Variants in PDIK1L observed in about 807,000 individuals in gnomAD.
PDIK1L encodes the protein PDLIM1 interacting kinase 1 like.
In PDIK1L, 9 loss-of-function variants were observed where a neutral mutation model predicts 27.1. The observed-to-expected ratio is 0.33, with a 90% confidence interval of 0.20 to 0.58. The LOEUF is 0.58. Ranked by LOEUF, PDIK1L falls within the 20% of genes least tolerant of loss-of-function variation. The probability of loss-of-function intolerance (pLI) is 0.86; values close to 1 mark genes in which losing one functional copy is unlikely to be tolerated. For synonymous variants in PDIK1L, 130 were observed against 141.7 expected (o/e 0.92, Z 0.59); for missense variants, 216 against 413.2 (o/e 0.52, Z 4.14).
intron 1 of PDIK1L, among the ~76,000 whole-genome samples, chr1:26,112,934 C>T (rs1274468278): frequency 6.6e-6 from 1 of 152,224 alleles, no homozygotes; most frequent in Non-Finnish European, 1.5e-5. Context: ...CTCCATTCAA[C>T]ACATGAGCAT....
rs1444305366 is a variant in PDIK1L, at chr1:26,122,459, G to T, written c.908G>T (p.Arg303Leu). ...IPVKKKSMNG[R>L]MKQLIKEMLA... ...GTGAAGAAAAAATCTATGAATGGGC[G>T]AATGAAACAACTGATTAAGGAAATG... The change falls in exon 3 of 3, where the codon CGA becomes CTA. Residue 303 changes from arginine to leucine, a missense_variant. Coordinates refer to ENST00000374269, the MANE Select transcript of PDIK1L (RefSeq NM_152835.5). The surrounding 1 kb of genome is among the most constrained non-coding windows in gnomAD (Gnocchi z 5.4). 6.2e-7 allele frequency: 1 copy of T among 1,614,120 alleles called. No homozygotes were observed.
chr1:26,122,561 G>T lies in PDIK1L; in HGVS notation c.1010G>T (p.Ser337Ile). 1 of 1,603,446 alleles carries T rather than the reference G, an allele frequency of 6.2e-7. No individual in the cohort carries two copies. The highest frequency in any genetic ancestry group is 1.1e-5 in the South Asian group (1 of 90,342). ...LRLVQIAFKD[S>I]SWET is the part of the protein sequence containing the mutation. ...TTAGTACAAATTGCATTTAAAGATA[G>T]CAGCTGGGAAACGTGACACATATTA... is the stretch of plus-strand genomic sequence containing the variant. Residue 337 changes from serine (S) to isoleucine (I), a missense_variant, in exon 3 of 3, where the codon AGC becomes ATC. Ser to Ile is a moderately radical substitution (Grantham distance 142). Coordinates refer to ENST00000374269, the MANE Select transcript of PDIK1L (RefSeq NM_152835.5). The surrounding 1 kb of genome is among the most constrained non-coding windows in gnomAD (Gnocchi z 5.4).
chr1:26,117,724 C>T (rs1327036112), intron 2 of PDIK1L, among the ~76,000 whole-genome samples: 4 of 149,932 alleles, frequency 2.7e-5, no homozygotes, highest in Admixed American at 2.0e-4. Context: ...GCCTGGGTGA[C>T]AGAACGAGAC....
In PDIK1L at chr1:26,125,036, G is replaced by A. The variant is rs767428494; in HGVS notation, c.*2459G>A. 15 of 152,506 alleles carry A rather than the reference G, an allele frequency of 9.8e-5. No homozygotes were observed. The highest frequency in any genetic ancestry group is 1.9e-4 in the Non-Finnish European group (13 of 68,000). 9.4% of individuals were successfully genotyped at this position (152,506 alleles called of 1,614,324 possible). Reference sequence around the variant, plus strand: ...CATAGAGTCTTTTGCCATGATTTATGGTGTTTTTTGAAATTTGTCTTAATT... The same window carrying A: ...CATAGAGTCTTTTGCCATGATTTATAGTGTTTTTTGAAATTTGTCTTAATT... On this transcript the variant is annotated 3_prime_UTR_variant, in exon 3 of 3. Coordinates refer to ENST00000374269, the MANE Select transcript of PDIK1L (RefSeq NM_152835.5).
In PDIK1L at chr1:26,114,369, G is replaced by A. The variant is rs778415495; in HGVS notation, c.61G>A (p.Val21Ile). The change falls in exon 2 of 3, where the codon GTT (valine) becomes ATT (isoleucine). Residue 21 changes from valine to isoleucine, a missense_variant. Val to Ile is a conservative substitution (Grantham distance 29, BLOSUM62 3). Coordinates refer to ENST00000374269, the MANE Select transcript of PDIK1L (RefSeq NM_152835.5). The surrounding 1 kb of genome is among the most constrained non-coding windows in gnomAD (Gnocchi z 4.8). Reference protein sequence around the residue: ...IREVGRGSYGVVYEAVIRKTS... With the variant: ...IREVGRGSYGIVYEAVIRKTS... The stretch of plus-strand genomic sequence containing the variant: ...GGAGGTAGGCCGAGGTAGTTACGGT[G>A]TTGTGTATGAAGCAGTCATCAGAAA... 2.5e-6 allele frequency: 4 copies of A among 1,614,134 alleles called. No homozygotes were observed. The highest frequency in any genetic ancestry group is 3.4e-6 in the Non-Finnish European group (4 of 1,180,010).
At chr1:26,115,037 A>G (rs1220375060) in intron 2 of PDIK1L, among the ~76,000 whole-genome samples, 4 of 152,208 alleles carry the variant, frequency 2.6e-5, no homozygotes, top group African/African-American at 7.2e-5. Flanking sequence ...TTAGAGGGAT[A>G]TCTGGTTTCT....
Position 26,122,765 on chromosome 1 carries a change from G to A in PDIK1L, c.*188G>A, listed in dbSNP as rs917181993. 4.9e-5 allele frequency: 28 copies of A among 575,786 alleles called. No individual in the cohort carries two copies. Among genetic ancestry groups the A allele is most frequent in the Non-Finnish European group, 7.0e-5 (26 of 371,068 alleles). 35.7% of individuals were successfully genotyped at this position (575,786 alleles called of 1,614,324 possible). On this transcript the variant is annotated 3_prime_UTR_variant, in exon 3 of 3. Coordinates refer to ENST00000374269, the MANE Select transcript of PDIK1L (RefSeq NM_152835.5). This position sits in a 1 kb window ranked among gnomAD's most constrained non-coding sequence, Gnocchi z 5.4. ...GCCGTTTTATTAGTATGTTTCAAAT[G>A]TGTATTACCAATGTGGGTGTAAATT...
Position 26,122,704 on chromosome 1 carries a change from AT to A in PDIK1L, c.*137del, listed in dbSNP as rs967135271. On this transcript the variant is annotated 3_prime_UTR_variant, in exon 3 of 3. Coordinates refer to ENST00000374269, the MANE Select transcript of PDIK1L (RefSeq NM_152835.5). This position sits in a 1 kb window ranked among gnomAD's most constrained non-coding sequence, Gnocchi z 5.4. Reference sequence around the variant, plus strand: ...TCTAAGGGTTTAGATTTTTTGTGGGATTTTTTTTTTCCTCATTTTTCTTAAA... The same window carrying A: ...TCTAAGGGTTTAGATTTTTTGTGGGATTTTTTTTTCCTCATTTTTCTTAAA... The A allele has an allele frequency of 1.9e-3, 2,108 of 1,110,896 alleles. 3 individuals carry two copies. The highest frequency in any genetic ancestry group is 9.5e-3 in the African/African-American group (588 of 61,896). The allele number at this position is 1,110,896 out of a possible 1,614,324, so 68.8% of individuals were successfully genotyped here.
chr1:26,114,505 A>G lies in PDIK1L; in HGVS notation c.197A>G (p.Asn66Ser). Residue 66 changes from asparagine to serine, a missense_variant, in exon 2 of 3, where the codon AAT (asparagine) becomes AGT (serine). Physicochemically the swap from Asn to Ser is conservative, Grantham distance 46. Around this residue, in one of 2 missense-constraint regions of PDIK1L, gnomAD observed 169 missense variants for 366.0 expected, o/e 0.46. Transcript: ENST00000374269. This position sits in a 1 kb window ranked among gnomAD's most constrained non-coding sequence, Gnocchi z 4.8. ...AGCAGTATCAAGAGCCAACATCCAAATGTGATTCACTTGGAGGAATGCATC... is the reference window on the plus strand; with the variant it reads ...AGCAGTATCAAGAGCCAACATCCAAGTGTGATTCACTTGGAGGAATGCATC... The part of the protein sequence containing the change: ...ALSSIKSQHP[N>S]VIHLEECILQ... The G allele has an allele frequency of 6.2e-7, 1 of 1,614,158 alleles. No homozygotes were observed. Among genetic ancestry groups the G allele is most frequent in the Non-Finnish European group, 8.5e-7 (1 of 1,179,990 alleles).
chr1:26,112,555 C>T (rs1243107091), intron 1 of PDIK1L: 1 of 152,270 alleles, frequency 6.6e-6, no homozygotes, highest in Non-Finnish European at 1.5e-5. Flanking sequence ...GATTGGCGAT[C>T]CCCGTAGAGC....
Position 26,122,205 on chromosome 1 carries a change from A to G in PDIK1L, c.654A>G (p.Ala218=), listed in dbSNP as rs755764545. The G allele has an allele frequency of 6.2e-7, 1 of 1,614,232 alleles. No homozygotes were observed. Among genetic ancestry groups the G allele is most frequent in the Non-Finnish European group, 8.5e-7 (1 of 1,180,040 alleles). The stretch of plus-strand genomic sequence containing the variant: ...TAAACAAGTGTTTCCTTTCCACAGC[A>G]TGTGGAACAGATTTTTACATGGCTC... ...VSVNKCFLST[A]CGTDFYMAPE... is the part of the protein sequence containing the mutation. The change falls in exon 3 of 3, where the codon GCA becomes GCG. Residue 218 remains alanine, a synonymous_variant. Coordinates refer to ENST00000374269, the MANE Select transcript of PDIK1L (RefSeq NM_152835.5). The surrounding 1 kb of genome is among the most constrained non-coding windows in gnomAD (Gnocchi z 5.4).
In PDIK1L at chr1:26,122,573, C is replaced by T. The variant is rs1005418497; in HGVS notation, c.1022C>T (p.Thr341Met). The change falls in exon 3 of 3, where the codon ACG becomes ATG. Residue 341 changes from threonine (T) to methionine (M), a missense_variant. Thr to Met is a moderately conservative substitution (Grantham distance 81). Around this residue, in one of 2 missense-constraint regions of PDIK1L, gnomAD observed 169 missense variants for 366.0 expected, o/e 0.46. Transcript: ENST00000374269. This position sits in a 1 kb window ranked among gnomAD's most constrained non-coding sequence, Gnocchi z 5.4. ...QIAFKDSSWE[T>M] ...GCATTTAAAGATAGCAGCTGGGAAA[C>T]GTGACACATATTATTTGCAAATACC... 2.5e-6 allele frequency: 4 copies of T among 1,599,624 alleles called. No individual in the cohort carries two copies. The highest frequency in any genetic ancestry group is 1.3e-5 in the African/African-American group (1 of 74,384).
intron 1 of PDIK1L, among the ~76,000 whole-genome samples, chr1:26,113,212 G>T (rs1431503575): frequency 6.6e-6 from 1 of 152,146 alleles, no homozygotes; most frequent in African/African-American, 2.4e-5. Context: ...GTTTCTGGCC[G>T]GGCGCGGTGG....
intron 2 of PDIK1L, among the ~76,000 whole-genome samples, chr1:26,119,728 G>A (rs546215081): frequency 3.3e-5 from 5 of 152,064 alleles, no homozygotes; most frequent in African/African-American, 7.2e-5. Context: ...GCATAGTGGC[G>A]CATGCCTGTA....
intron 1 of PDIK1L, chr1:26,112,442 T>C (rs61776586): frequency 0.17 from 25,178 of 152,252 alleles, 2,253 homozygotes; most frequent in Middle Eastern, 0.23. Flanking sequence ...CATAAACACC[T>C]CTCTCCTCCC....
At chr1:26,119,403 G>GTCTCTCTC (rs56711335) in intron 2 of PDIK1L, among the ~76,000 whole-genome samples, 1 of 148,952 alleles carries the variant, frequency 6.7e-6, no homozygotes, top group African/African-American at 2.5e-5. Flanking sequence ...GCAAGACCTT[G>GTCTCTCTC]TCTCTCTCTC....
At chr1:26,116,829 C>T (rs112561706) in intron 2 of PDIK1L, among the ~76,000 whole-genome samples, 11 of 147,072 alleles carry the variant, frequency 7.5e-5, no homozygotes, top group African/African-American at 2.8e-4. Flanking sequence ...AGTTCTCCTG[C>T]CTCAGCCTCC....
intron 2 of PDIK1L, among the ~76,000 whole-genome samples, chr1:26,118,580 A>C (rs956408979): frequency 1.2e-4 from 19 of 152,238 alleles, no homozygotes; most frequent in African/African-American, 4.6e-4. Flanking sequence ...CCTAGCCTCT[A>C]TTTCTTCATA....
intron 1 of PDIK1L, among the ~76,000 whole-genome samples, chr1:26,112,133 A>C (rs899860184): frequency 6.6e-6 from 1 of 152,144 alleles, no homozygotes; most frequent in Admixed American, 6.5e-5. Flanking sequence ...AGTTGAGGCA[A>C]CTGCAGGGCT....
Sources: allele counts gnomAD v4.1 joint callset (sites outside exome capture counted in the v4.1 genomes callset), GRCh38; gene constraint gnomAD v4.1.1; regional missense constraint gnomAD v4.1.1; non-coding constraint Gnocchi (gnomAD v3.1); transcripts MANE v1.5; gene names NCBI Gene and HGNC (gene_info 2026-07-23, HGNC 2026-07-21).